NREP: variants seen among roughly 807,000 people sequenced by gnomAD.
NREP encodes the protein neuronal regeneration-related protein.
Under a neutral mutation model 8.6 loss-of-function variants are expected in NREP, and 5 were observed. That is an observed-to-expected ratio of 0.58 (90% CI 0.30 to 1.22). The LOEUF is 1.22. Ranked by LOEUF, NREP falls within the 50% of genes most tolerant of loss-of-function variation. NREP has a pLI of 0.07. For synonymous variants in NREP, 27 were observed against 28.0 expected, an observed-to-expected ratio of 0.96 and a Z score of 0.11; for missense variants, 86 against 82.5, an observed-to-expected ratio of 1.04 and a Z score of -0.17.
At position 111,755,759 on chromosome 5, in the gene NREP, C is replaced by G; in HGVS notation, c.3+11G>C. The G allele has an allele frequency of 6.2e-7, 1 of 1,613,738 alleles. No individual in the cohort carries two copies. The highest frequency in any genetic ancestry group is 8.5e-7 in the Non-Finnish European group (1 of 1,179,684). Reference sequence around the variant, plus strand: ...AAGTACTGAGAATCTCCTCTGATGACCAAGTCTTACCATTTTGAGAATCTT... The same window carrying G: ...AAGTACTGAGAATCTCCTCTGATGAGCAAGTCTTACCATTTTGAGAATCTT... On this transcript the variant is annotated intron_variant, in intron 2 of 3. Transcript: ENST00000257435.
chr5:111,848,803 A>G (rs547054224), intron 2 of NREP, among the ~76,000 whole-genome samples: 1 of 152,250 alleles, frequency 6.6e-6, no homozygotes, highest in South Asian at 2.1e-4. Context: ...TTTCTTTGCC[A>G]TTTGTCAGCA....
chr5:111,893,074 A>G (rs1188105277), intron 2 of NREP, among the ~76,000 whole-genome samples: 1 of 152,204 alleles, frequency 6.6e-6, no homozygotes, highest in Non-Finnish European at 1.5e-5. Context: ...CTCAGGCAGA[A>G]AAGTTCGCTT....
At chr5:111,800,619 T>C (rs1490734597) in intron 2 of NREP, among the ~76,000 whole-genome samples, 1 of 152,186 alleles carries the variant, frequency 6.6e-6, no homozygotes, top group Non-Finnish European at 1.5e-5. Context: ...GTGGAGTTCA[T>C]GGGAGTTGAG....
chr5:111,732,647 C>G (rs1334019517), intron 3 of NREP: 2 of 127,962 alleles, frequency 1.6e-5, no homozygotes, highest in Non-Finnish European at 1.6e-5. Flanking sequence ...TCTTGGTACA[C>G]AGTCCCAAAA....
chr5:111,796,192 G>C (rs769712692), intron 2 of NREP, among the ~76,000 whole-genome samples: 5 of 152,118 alleles, frequency 3.3e-5, no homozygotes, highest in Non-Finnish European at 7.4e-5. Flanking sequence ...CAGTACAGTA[G>C]CTTCAAATTT....
At chr5:111,878,183 G>A (rs1323215277) in intron 2 of NREP, among the ~76,000 whole-genome samples, 1 of 152,194 alleles carries the variant, frequency 6.6e-6, no homozygotes, top group African/African-American at 2.4e-5. Context: ...ATCATTTTCT[G>A]TTATGTCTGC....
chr5:111,919,077 G>T (rs767900005), intron 2 of NREP, among the ~76,000 whole-genome samples: 6 of 151,588 alleles, frequency 4.0e-5, no homozygotes, highest in African/African-American at 1.5e-4. Flanking sequence ...TGAAGGATAC[G>T]AACGGACACT....
At chr5:111,825,726 C>A (rs1326153714) in intron 2 of NREP, among the ~76,000 whole-genome samples, 1 of 152,154 alleles carries the variant, frequency 6.6e-6, no homozygotes, top group Non-Finnish European at 1.5e-5. Context: ...TAGCCCTGAG[C>A]ATGCTTAGGT....
downstream of NREP, chr5:111,729,235 A>G (rs1748341905): frequency 6.6e-6 from 1 of 152,214 alleles, no homozygotes; most frequent in African/African-American, 2.4e-5. Context: ...CTGGAAACAC[A>G]TGAATTAGCA....
At chr5:111,811,657 T>C (rs542200720) in intron 2 of NREP, among the ~76,000 whole-genome samples, 3 of 152,180 alleles carry the variant, frequency 2.0e-5, no homozygotes, top group Non-Finnish European at 4.4e-5. Context: ...GCAGGACAAA[T>C]ATTTTTCTGG....
intron 2 of NREP, among the ~76,000 whole-genome samples, chr5:111,745,952 A>T (rs1581065137): frequency 6.6e-6 from 1 of 152,176 alleles, no homozygotes; most frequent in South Asian, 2.1e-4. Context: ...AATTATTAAC[A>T]TCCTAAAGGT....
Position 111,873,273 on chromosome 5 carries a change from G to C in NREP, c.135+102001C>G, listed in dbSNP as rs1424909894. ...AGAAAGGACACAGAGAAGAAGAACG[G>C]TATCAGTTTTCCATCACTACTGTAA... On this transcript the variant is annotated intron_variant, in intron 2 of 3. Coordinates refer to the NREP transcript ENST00000395634. 3.3e-5 allele frequency among the ~76,000 whole-genome samples: 5 copies of C among 152,100 alleles called. No individual in the cohort carries two copies. The East Asian group carries it at 7.7e-4, about 23-fold the overall frequency.
chr5:111,928,457 G>T (rs1755449960), intron 2 of NREP, among the ~76,000 whole-genome samples: 1 of 152,090 alleles, frequency 6.6e-6, no homozygotes, highest in African/African-American at 2.4e-5. Flanking sequence ...TATTTGAATT[G>T]AAATATATGT....
intron 2 of NREP, among the ~76,000 whole-genome samples, chr5:111,815,464 A>C (rs1490196803): frequency 6.6e-6 from 1 of 152,106 alleles, no homozygotes; most frequent in Non-Finnish European, 1.5e-5. Flanking sequence ...ATTGCCAGGC[A>C]TCTAAGGACT....
intron 2 of NREP, among the ~76,000 whole-genome samples, chr5:111,806,145 T>A (rs1376534965): frequency 2.0e-5 from 3 of 152,118 alleles, no homozygotes; most frequent in Non-Finnish European, 4.4e-5. Context: ...AAGCTAGGGG[T>A]TAGGCTTAGA....
chr5:111,948,614 G>C (rs796861013), intron 2 of NREP, among the ~76,000 whole-genome samples: 4 of 152,162 alleles, frequency 2.6e-5, no homozygotes, highest in African/African-American at 9.6e-5. Flanking sequence ...AAAGTGAGTT[G>C]GTTGTCCAAG....
chr5:111,752,033 G>A (rs1234792692), intron 2 of NREP, among the ~76,000 whole-genome samples: 1 of 152,150 alleles, frequency 6.6e-6, no homozygotes, highest in Non-Finnish European at 1.5e-5. Flanking sequence ...TAATGGCCAA[G>A]TATAAATTTG....
At chr5:111,844,825 A>C (rs983763834) in intron 2 of NREP, among the ~76,000 whole-genome samples, 1 of 150,982 alleles carries the variant, frequency 6.6e-6, no homozygotes, top group African/African-American at 2.4e-5. Flanking sequence ...AACAAGGGCT[A>C]TGTGCACTTG....
At chr5:111,748,475 A>C (rs1471936152) in intron 2 of NREP, among the ~76,000 whole-genome samples, 1 of 152,124 alleles carries the variant, frequency 6.6e-6, no homozygotes, top group African/African-American at 2.4e-5. Context: ...CCACTGACTC[A>C]TTCATTTATT....
Sources: allele counts gnomAD v4.1 joint callset (sites outside exome capture counted in the v4.1 genomes callset), GRCh38; gene constraint gnomAD v4.1.1; transcripts MANE v1.5; gene names NCBI Gene and HGNC (gene_info 2026-07-23, HGNC 2026-07-21).